Variants in SOX6 observed in about 807,000 individuals in gnomAD.
SOX6 encodes transcription factor SOX-6.
A neutral mutation model predicts 97.8 loss-of-function variants in SOX6; 11 were observed. The ratio of observed to expected loss-of-function variants is 0.11; its 90% CI spans 0.07 to 0.19. The LOEUF (loss-of-function observed/expected upper bound fraction) is 0.19. Ranked by LOEUF, SOX6 falls within the 10% of genes least tolerant of loss-of-function variation. The pLI, the probability that SOX6 is intolerant of heterozygous loss-of-function variation, is 1.00. For synonymous variants in SOX6, 360 were observed against 371.4 expected, an observed-to-expected ratio of 0.97 and a Z score of 0.35; for missense variants, 810 against 1,039.5, an observed-to-expected ratio of 0.78 and a Z score of 3.04.
At chr11:16,690,238 G>A (rs1362209085) in intron 3 of SOX6, among the ~76,000 whole-genome samples, 2 of 152,136 alleles carry the variant, frequency 1.3e-5, no homozygotes, top group Admixed American at 6.5e-5. Flanking sequence ...TTCCATGCAT[G>A]AAGTGTTTTT....
intron 4 of SOX6, among the ~76,000 whole-genome samples, chr11:16,205,183 T>G (rs1411697111): frequency 6.6e-6 from 1 of 152,116 alleles, no homozygotes; most frequent in Non-Finnish European, 1.5e-5. Context: ...TACTAAGAAT[T>G]CCACGATAGA....
intron 1 of SOX6, among the ~76,000 whole-genome samples, chr11:16,457,104 T>C (rs947410224): frequency 6.6e-6 from 1 of 152,126 alleles, no homozygotes; most frequent in Non-Finnish European, 1.5e-5. Flanking sequence ...TTTCAATCTT[T>C]CATTCAATAG....
At chr11:16,177,513 C>A (rs1400389616) in intron 6 of SOX6, among the ~76,000 whole-genome samples, 4 of 151,732 alleles carry the variant, frequency 2.6e-5, no homozygotes, top group African/African-American at 9.7e-5. Flanking sequence ...ATTAAAATCA[C>A]CTGCCGTAAA....
rs5789958 is a variant in SOX6, at chr11:16,606,230, CTT to C, written n.609+5849_609+5850del. 3.5e-3 allele frequency among the ~76,000 whole-genome samples: 510 copies of C among 144,318 alleles called. 7 individuals carry two copies. Among genetic ancestry groups the C allele is most frequent in the African/African-American group, 0.012 (462 of 39,204 alleles). The allele number at this position is 144,318 out of a possible 152,430, so 94.7% of individuals were successfully genotyped here. ...TTCTCTCTTTACTTCCCTCTTTTTTCTTTTTTTTTTTTCCTTTATATCTTTCT... is the reference window on the plus strand; with the variant it reads ...TTCTCTCTTTACTTCCCTCTTTTTTCTTTTTTTTTTCCTTTATATCTTTCT... On this transcript the variant is annotated intron_variant and non_coding_transcript_variant, in intron 4 of 5. Transcript: ENST00000524520.
In SOX6 at chr11:16,088,717, T is replaced by C. The variant is rs559363021; in HGVS notation, c.1101+7279A>G. Among the ~76,000 whole-genome samples, 9 of 152,290 alleles carry C rather than the reference T, an allele frequency of 5.9e-5. No individual in the cohort carries two copies. In the South Asian group the frequency reaches 1.9e-3, roughly 32 times the overall value. ...TCAAGTAAGAAGAATTTTAAAAGGA[T>C]GTAATACTTCATTCTTTCTTTAATT... On this transcript the variant is annotated intron_variant, in intron 9 of 15. Transcript: ENST00000683767.
At chr11:16,433,415 T>C (rs545352164) in intron 1 of SOX6, among the ~76,000 whole-genome samples, 2 of 152,204 alleles carry the variant, frequency 1.3e-5, no homozygotes, top group South Asian at 2.1e-4. Context: ...AAGGTTTTGG[T>C]AGGCAGATGA....
chr11:16,438,523 G>A (rs774225128), intron 1 of SOX6, among the ~76,000 whole-genome samples: 2 of 152,238 alleles, frequency 1.3e-5, no homozygotes, highest in Admixed American at 6.5e-5. Flanking sequence ...TTCTAACCTA[G>A]TCAAGAACTT....
In SOX6 at chr11:16,433,844, G is replaced by A. The variant is rs114420882; in HGVS notation, c.-5+42471C>T. On this transcript the variant is annotated intron_variant, in intron 1 of 15. Transcript: ENST00000396356. ...ACAGTTTATAAACTATTAAATCTCCGCTTCAGAGTGCCTTGTATATATGTT... is the reference window on the plus strand; with the variant it reads ...ACAGTTTATAAACTATTAAATCTCCACTTCAGAGTGCCTTGTATATATGTT... 7.4e-3 allele frequency among the ~76,000 whole-genome samples: 1,120 copies of A among 152,020 alleles called. 16 individuals carry two copies. The highest frequency in any genetic ancestry group is 0.024 in the African/African-American group (999 of 41,462).
At chr11:16,286,679 A>G (rs1381293468) in intron 3 of SOX6, among the ~76,000 whole-genome samples, 2 of 152,068 alleles carry the variant, frequency 1.3e-5, no homozygotes, top group Non-Finnish European at 2.9e-5. Flanking sequence ...ATTCTCTTCT[A>G]TTTCAGTGCC....
intron 3 of SOX6, among the ~76,000 whole-genome samples, chr11:16,655,093 G>C (rs998051134): frequency 6.6e-6 from 1 of 152,182 alleles, no homozygotes; most frequent in Non-Finnish European, 1.5e-5. Flanking sequence ...ATTGAGTGAA[G>C]GGAGAATTCA....
chr11:16,082,634 A>G (rs527860639), intron 9 of SOX6, among the ~76,000 whole-genome samples: 1 of 152,180 alleles, frequency 6.6e-6, no homozygotes. Flanking sequence ...CTCATTTGCC[A>G]CAGGGTACCA....
intron 6 of SOX6, among the ~76,000 whole-genome samples, chr11:16,114,893 A>C (rs894791900): frequency 6.6e-6 from 1 of 152,184 alleles, no homozygotes; most frequent in African/African-American, 2.4e-5. Context: ...ACCAGAATTA[A>C]TTCTTGAATC....
intron 13 of SOX6, among the ~76,000 whole-genome samples, chr11:16,003,609 T>A (rs2119921121): frequency 6.6e-6 from 1 of 152,210 alleles, no homozygotes; most frequent in Non-Finnish European, 1.5e-5. Flanking sequence ...ATAAGGTAAA[T>A]ACTCAAATGC....
intron 1 of SOX6, among the ~76,000 whole-genome samples, chr11:16,396,039 ATAGAATT>A (rs67341937): frequency 0.3 from 44,779 of 151,150 alleles, 6,728 homozygotes; most frequent in East Asian, 0.51. Context: ...ATTCAAGCAC[ATAGAATT>A]TAGAGATCTC....
chr11:16,311,702 A>G (rs1855608061), intron 3 of SOX6: 1 of 152,184 alleles, frequency 6.6e-6, no homozygotes, highest in African/African-American at 2.4e-5. Flanking sequence ...TACACTCAGT[A>G]GGCTATACTG....
intron 4 of SOX6, among the ~76,000 whole-genome samples, chr11:16,517,777 A>T (rs1312373019): frequency 6.6e-6 from 1 of 152,202 alleles, no homozygotes; most frequent in Non-Finnish European, 1.5e-5. Flanking sequence ...CTGATTGCCC[A>T]ATCCTCTAAA....
chr11:16,697,107 T>G, intron 3 of SOX6, among the ~76,000 whole-genome samples: 1 of 152,182 alleles, frequency 6.6e-6, no homozygotes, highest in Admixed American at 6.5e-5. Flanking sequence ...TGTGACACTG[T>G]AACAATTCAG....
chr11:16,208,199 G>C (rs1057308769), intron 4 of SOX6, among the ~76,000 whole-genome samples: 2 of 152,152 alleles, frequency 1.3e-5, no homozygotes. Context: ...TGGGAAGAGA[G>C]TGCCTATTTC....
intron 4 of SOX6, among the ~76,000 whole-genome samples, chr11:16,544,050 G>A (rs1344398196): frequency 6.6e-6 from 1 of 152,070 alleles, no homozygotes; most frequent in African/African-American, 2.4e-5. Flanking sequence ...TAAAAATAAA[G>A]TACTAAAACA....
Sources: allele counts gnomAD v4.1 joint callset (sites outside exome capture counted in the v4.1 genomes callset), GRCh38; gene constraint gnomAD v4.1.1; transcripts MANE v1.5; gene names NCBI Gene and HGNC (gene_info 2026-07-23, HGNC 2026-07-21).